Variants in SLC16A7 observed in about 807,000 individuals in gnomAD.
The protein encoded by SLC16A7 is monocarboxylate transporter 2.
A neutral mutation model predicts 34.9 loss-of-function variants in SLC16A7; 33 were observed. The ratio of observed to expected loss-of-function variants is 0.94; its 90% CI spans 0.72 to 1.26. The LOEUF is 1.26. SLC16A7 is among the 50% of genes most tolerant of loss of function. The probability of loss-of-function intolerance (pLI) is 0.00; values close to 1 mark genes in which losing one functional copy is unlikely to be tolerated. For missense variants in SLC16A7, 573 were observed against 578.1 expected (o/e 0.99, Z 0.09); for synonymous variants, 201 against 206.6 (o/e 0.97, Z 0.23).
chr12:59,748,619 A>G (rs1319294594), intron 3 of SLC16A7, among the ~76,000 whole-genome samples: 1 of 152,206 alleles, frequency 6.6e-6, no homozygotes, highest in Non-Finnish European at 1.5e-5. Flanking sequence ...GAAGTCGGCT[A>G]CTGTAGCTGC....
intron 3 of SLC16A7, among the ~76,000 whole-genome samples, chr12:59,758,825 C>T (rs1032294562): frequency 1.3e-5 from 2 of 151,978 alleles, no homozygotes; most frequent in African/African-American, 4.8e-5. Context: ...TCTTGGGCAT[C>T]AATTTATGAC....
intron 1 of SLC16A7, among the ~76,000 whole-genome samples, chr12:59,652,412 C>T (rs564301240): frequency 3.3e-5 from 5 of 151,960 alleles, no homozygotes; most frequent in African/African-American, 9.6e-5. Flanking sequence ...TAATGCATTT[C>T]GTTGTAACTA....
intron 2 of SLC16A7, among the ~76,000 whole-genome samples, chr12:59,688,479 C>A (rs1236022880): frequency 6.6e-6 from 1 of 151,916 alleles, no homozygotes; most frequent in African/African-American, 2.4e-5. Flanking sequence ...TCATTGCCTG[C>A]CAAATGAAGA....
chr12:59,654,112 T>A (rs897245626), intron 1 of SLC16A7, among the ~76,000 whole-genome samples: 7 of 151,314 alleles, frequency 4.6e-5, no homozygotes, highest in Admixed American at 4.0e-4. Context: ...TATTAATAAT[T>A]ATATTTTAAT....
At chr12:59,661,741 T>C (rs975434506) in intron 2 of SLC16A7, among the ~76,000 whole-genome samples, 1 of 152,052 alleles carries the variant, frequency 6.6e-6, no homozygotes, top group African/African-American at 2.4e-5. Flanking sequence ...AGGACCACCC[T>C]CCCCCAATTA....
rs1260154581 is a variant in SLC16A7 at position 59,767,943 on chromosome 12, T to TG, written c.218-3272dup. 3.2e-4 allele frequency among the ~76,000 whole-genome samples: 22 copies of TG among 68,342 alleles called. No individual in the cohort carries two copies. In the East Asian group the frequency reaches 3.8e-3, roughly 12 times the overall value. The allele number at this position is 68,342 out of a possible 152,430, so 44.8% of individuals were successfully genotyped here. A position where few individuals can be genotyped will look rare whatever the true frequency, so the allele number is the denominator to read the frequency against. On this transcript the variant is annotated intron_variant, in intron 3 of 5. Coordinates refer to ENST00000547379, the MANE Select transcript of SLC16A7 (RefSeq NM_001270623.2). The stretch of plus-strand genomic sequence containing the variant: ...GAACATCACACACTGGGGCCTGTCG[T>TG]GGGGTGGGGGGAAGGGGGAGGGATA...
At chr12:59,646,759 G>T (rs1009206818) in intron 1 of SLC16A7, among the ~76,000 whole-genome samples, 2 of 152,176 alleles carry the variant, frequency 1.3e-5, no homozygotes, top group East Asian at 1.9e-4. Flanking sequence ...CAGCCAGGAG[G>T]GGGGCTGTAC....
At chr12:59,659,801 C>G (rs1206411322) in intron 2 of SLC16A7, among the ~76,000 whole-genome samples, 1 of 152,010 alleles carries the variant, frequency 6.6e-6, no homozygotes, top group Non-Finnish European at 1.5e-5. Context: ...GAAGGCATAT[C>G]TGGAAAAGGG....
intron 2 of SLC16A7, among the ~76,000 whole-genome samples, chr12:59,674,586 A>G (rs1429736955): frequency 6.6e-6 from 1 of 152,184 alleles, no homozygotes; most frequent in African/African-American, 2.4e-5. Context: ...CACCAATGTT[A>G]TATGTATAGG....
chr12:59,680,572 T>C (rs1251525025), intron 2 of SLC16A7, among the ~76,000 whole-genome samples: 1 of 152,156 alleles, frequency 6.6e-6, no homozygotes, highest in Non-Finnish European at 1.5e-5. Context: ...TTTACCTCTA[T>C]CCCTGAATGA....
At chr12:59,745,189 T>G (rs561235356) in intron 3 of SLC16A7, among the ~76,000 whole-genome samples, 1 of 152,334 alleles carries the variant, frequency 6.6e-6, no homozygotes, top group African/African-American at 2.4e-5. Context: ...ATATGCTGTC[T>G]TTTTCATATC....
At position 59,789,676 on chromosome 12, in the gene SLC16A7, C is replaced by T. The variant is rs1273885792; in HGVS notation, c.*9997C>T. ...TTAACCCTGTCCATGTTCCTCTGTA[C>T]TCTATTCTTACTGTATTTTAGTTAT... On this transcript the variant is annotated 3_prime_UTR_variant, in exon 6 of 6. Transcript: ENST00000547379. 6.6e-6 allele frequency: 1 copy of T among 152,044 alleles called. No individual in the cohort carries two copies. Among genetic ancestry groups the T allele is most frequent in the African/African-American group, 2.4e-5 (1 of 41,414 alleles). The allele number at this position is 152,044 out of a possible 1,614,324, so 9.4% of individuals were successfully genotyped here.
At chr12:59,753,524 G>T (rs1047114420) in intron 3 of SLC16A7, among the ~76,000 whole-genome samples, 2 of 152,032 alleles carry the variant, frequency 1.3e-5, no homozygotes, top group African/African-American at 2.4e-5. Context: ...ATTACATAAT[G>T]GTAAAGGGAT....
At chr12:59,619,254 T>C (rs957412790) in intron 1 of SLC16A7, among the ~76,000 whole-genome samples, 3 of 152,046 alleles carry the variant, frequency 2.0e-5, no homozygotes, top group Admixed American at 6.6e-5. Context: ...ATATCATGCA[T>C]TGTATTACAC....
chr12:59,748,378 G>A lies in SLC16A7; in HGVS notation c.218-22841G>A, dbSNP rs145748805. On this transcript the variant is annotated intron_variant, in intron 3 of 5. Transcript: ENST00000547379. ...CATACTGTACTACTGTAATAATTTT[G>A]TAGCCATCTCCTGTTGCTACTGTGC... Among the ~76,000 whole-genome samples the A allele has an allele frequency of 1.7e-3, 256 of 152,290 alleles. 1 individual carries two copies. Among genetic ancestry groups the A allele is most frequent in the Non-Finnish European group, 2.9e-3 (197 of 68,030 alleles).
chr12:59,658,361 G>A (rs79253177), intron 2 of SLC16A7, among the ~76,000 whole-genome samples: 1,601 of 152,126 alleles, frequency 0.011, 30 homozygotes, highest in African/African-American at 0.037. Flanking sequence ...TTAACTATGT[G>A]GAAATAGATG....
intron 2 of SLC16A7, among the ~76,000 whole-genome samples, chr12:59,690,939 A>T (rs1290766812): frequency 6.6e-6 from 1 of 152,000 alleles, no homozygotes; most frequent in Non-Finnish European, 1.5e-5. Flanking sequence ...TTAGAAAAAA[A>T]GATAAGAAAA....
At chr12:59,672,860 T>A (rs866272099) in intron 2 of SLC16A7, among the ~76,000 whole-genome samples, 1 of 152,166 alleles carries the variant, frequency 6.6e-6, no homozygotes, top group African/African-American at 2.4e-5. Context: ...TATATAATAA[T>A]CAAAGAGCTT....
intron 3 of SLC16A7, among the ~76,000 whole-genome samples, chr12:59,725,414 A>G (rs1876115711): frequency 6.6e-6 from 1 of 152,076 alleles, no homozygotes; most frequent in Non-Finnish European, 1.5e-5. Flanking sequence ...TCCAACTTCC[A>G]GGATTTTGTG....
Sources: gnomAD v4.1 joint callset for allele counts (sites outside exome capture counted in the v4.1 genomes callset) on GRCh38, gnomAD v4.1.1 for gene constraint, MANE v1.5 for transcripts, NCBI Gene and HGNC (gene_info 2026-07-23, HGNC 2026-07-21) for gene names.